The following MYLK variants were observed in gnomAD, a reference collection of about 807,000 sequenced individuals.
The protein encoded by MYLK is myosin light chain kinase.
In MYLK, 106 loss-of-function variants were observed where a neutral mutation model predicts 203.4. That is an observed-to-expected ratio of 0.52 (90% confidence interval 0.45 to 0.61). The LOEUF is 0.61. Ranked by LOEUF, MYLK falls within the 20% of genes least tolerant of loss-of-function variation. The pLI, the probability that MYLK is intolerant of heterozygous loss-of-function variation, is 0.00. For synonymous variants in MYLK, 867 were observed against 959.5 expected (o/e 0.90, Z 1.78); for missense variants, 2,072 against 2,442.3 (o/e 0.85, Z 3.20).
intron 29 of MYLK, among the ~76,000 whole-genome samples, chr3:123,631,867 C>CT (rs1214724364): frequency 2.2e-5 from 3 of 138,916 alleles, no homozygotes; most frequent in East Asian, 4.5e-4. Flanking sequence ...TCAGTTTCTC[C>CT]TTTTTCTTTT....
At chr3:123,720,077 C>T (rs2062034039) in intron 13 of MYLK, among the ~76,000 whole-genome samples, 1 of 152,250 alleles carries the variant, frequency 6.6e-6, no homozygotes, top group Non-Finnish European at 1.5e-5. Context: ...GTATCTGAGC[C>T]TGTCTGGTCT....
chr3:123,692,348 G>T, intron 19 of MYLK: 1 of 1,173,920 alleles, frequency 8.5e-7, no homozygotes, highest in Non-Finnish European at 1.1e-6. Flanking sequence ...GACCCTGCTG[G>T]GTCGTCCTGC....
intron 2 of MYLK, among the ~76,000 whole-genome samples, chr3:123,863,334 G>A (rs1231259214): frequency 7.2e-5 from 5 of 69,782 alleles, no homozygotes; most frequent in African/African-American, 2.9e-4. Flanking sequence ...GGTGGTAAAA[G>A]TTTCTTTGGA....
At chr3:123,646,488 G>A (rs1266214076) in intron 27 of MYLK, among the ~76,000 whole-genome samples, 1 of 152,228 alleles carries the variant, frequency 6.6e-6, no homozygotes, top group East Asian at 1.9e-4. Flanking sequence ...CTGGCTTGCT[G>A]ATGCCAGTGT....
rs570584941 is a variant in MYLK at position 123,796,613 on chromosome 3, C to T, written c.-3-2769G>A. 2.6e-5 allele frequency among the ~76,000 whole-genome samples: 4 copies of T among 152,246 alleles called. No homozygotes were observed. In the East Asian group the frequency reaches 5.8e-4, roughly 22 times the overall value. On this transcript the variant is annotated intron_variant, in intron 3 of 33. Transcript: ENST00000360304. ...GAAAGCAGCCCAACAGATCAATGGA[C>T]GGATGATATGACCTGAACAATGCAC...
At chr3:123,644,650 CAT>C (rs766800795) in intron 27 of MYLK, 2 of 152,334 alleles carry the variant, frequency 1.3e-5, no homozygotes, top group Middle Eastern at 3.4e-3. Flanking sequence ...CATTTCTCCA[CAT>C]GTCCTCACAT....
chr3:123,836,814 G>C (rs1022928121), intron 2 of MYLK, among the ~76,000 whole-genome samples: 1 of 152,280 alleles, frequency 6.6e-6, no homozygotes, highest in South Asian at 2.1e-4. Flanking sequence ...ATAGTAGAGA[G>C]GAGTTTGACC....
intron 3 of MYLK, among the ~76,000 whole-genome samples, chr3:123,827,819 CA>C (rs1289660273): frequency 1.5e-5 from 2 of 134,376 alleles, no homozygotes; most frequent in African/African-American, 5.5e-5. Context: ...AATTAATATA[CA>C]AAAATGAGTA....
intron 2 of MYLK, among the ~76,000 whole-genome samples, chr3:123,834,211 A>G (rs1180691794): frequency 6.6e-6 from 1 of 151,976 alleles, no homozygotes; most frequent in African/African-American, 2.4e-5. Context: ...ATGTCCTGCT[A>G]ATTTTTGTAT....
At chr3:123,637,861 T>C (rs577902715) in intron 29 of MYLK, among the ~76,000 whole-genome samples, 1 of 152,280 alleles carries the variant, frequency 6.6e-6, no homozygotes, top group Admixed American at 6.5e-5. Context: ...CATGATGCTA[T>C]AGAATATGCA....
chr3:123,679,237 G>T (rs1369139506), intron 20 of MYLK, among the ~76,000 whole-genome samples: 1 of 151,638 alleles, frequency 6.6e-6, no homozygotes, highest in Non-Finnish European at 1.5e-5. Context: ...AAACCAGGAG[G>T]CGGAGGTTGT....
intron 13 of MYLK, among the ~76,000 whole-genome samples, chr3:123,719,294 T>C (rs2332591): frequency 2.0e-5 from 3 of 152,122 alleles, no homozygotes; most frequent in African/African-American, 4.8e-5. Flanking sequence ...TGCTGCATGG[T>C]GCCACCTTGT....
chr3:123,709,134 A>ATTTTTT (rs1161776768), intron 14 of MYLK: 5 of 171,842 alleles, frequency 2.9e-5, no homozygotes, highest in Admixed American at 6.6e-5. Flanking sequence ...TTCTCACATA[A>ATTTTTT]TTTTTTTTTT....
intron 31 of MYLK, chr3:123,625,440 C>G (rs573810406): frequency 6.6e-6 from 1 of 151,452 alleles, no homozygotes; most frequent in South Asian, 2.1e-4. Context: ...TGCACTCCAG[C>G]CTGGGTAATG....
intron 3 of MYLK, among the ~76,000 whole-genome samples, chr3:123,819,945 T>TA (rs1198846524): frequency 2.0e-5 from 3 of 152,240 alleles, no homozygotes; most frequent in African/African-American, 7.2e-5. Context: ...TCTAGTCTCT[T>TA]AACTGTAGCA....
At chr3:123,673,436 C>G (rs566566106) in intron 20 of MYLK, among the ~76,000 whole-genome samples, 4 of 152,002 alleles carry the variant, frequency 2.6e-5, no homozygotes, top group African/African-American at 9.6e-5. Flanking sequence ...TAACATCAGC[C>G]CCTCCCCCCA....
intron 32 of MYLK, among the ~76,000 whole-genome samples, chr3:123,619,346 C>T (rs2057713833): frequency 6.6e-6 from 1 of 152,302 alleles, no homozygotes; most frequent in Admixed American, 6.5e-5. Context: ...CAGGCTATGT[C>T]TGGGTCATCT....
intron 4 of MYLK, among the ~76,000 whole-genome samples, chr3:123,773,804 G>A (rs950887329): frequency 4.6e-5 from 7 of 152,218 alleles, no homozygotes; most frequent in Non-Finnish European, 8.8e-5. Flanking sequence ...CACACATCCA[G>A]TAGGCAGCCC....
chr3:123,629,727 ACC>A lies in MYLK; in HGVS notation c.4962-103_4962-102del. ...AAGGCGAGGGTCGGCCAGCCTCCCCACCCCCAAACTCATGCTCTGTGGGCCTT... is the reference window on the plus strand; with the variant it reads ...AAGGCGAGGGTCGGCCAGCCTCCCCACCCAAACTCATGCTCTGTGGGCCTT... On this transcript the variant is annotated intron_variant, in intron 29 of 33. Transcript: ENST00000360304. The surrounding 1 kb of genome is among the most constrained non-coding windows in gnomAD (Gnocchi z 4.4). 1 of 1,259,344 alleles carries A rather than the reference ACC, an allele frequency of 7.9e-7. No homozygotes were observed. The highest frequency in any genetic ancestry group is 1.2e-6 in the Non-Finnish European group (1 of 869,100). 78.0% of individuals were successfully genotyped at this position (1,259,344 alleles called of 1,614,324 possible).
Sources: gnomAD v4.1 joint callset for allele counts (sites outside exome capture counted in the v4.1 genomes callset) on GRCh38, gnomAD v4.1.1 for gene constraint, Gnocchi (gnomAD v3.1) non-coding constraint, MANE v1.5 for transcripts, NCBI Gene and HGNC (gene_info 2026-07-23, HGNC 2026-07-21) for gene names.